Variants in ARHGAP15 observed in about 807,000 individuals in gnomAD.
ARHGAP15 encodes Rho GTPase activating protein 15.
In ARHGAP15, 51 loss-of-function variants were observed where a neutral mutation model predicts 63.7. The observed-to-expected ratio is 0.80, with a 90% CI of 0.64 to 1.01. The LOEUF is 1.01. Ranked by LOEUF, ARHGAP15 falls within the 50% of genes least tolerant of loss-of-function variation. The probability of loss-of-function intolerance (pLI) is 0.00; values close to 1 mark genes in which losing one functional copy is unlikely to be tolerated. For missense variants in ARHGAP15, 560 were observed against 564.6 expected (o/e 0.99, Z 0.08); for synonymous variants, 191 against 193.8 (o/e 0.99, Z 0.12).
intron 6 of ARHGAP15, among the ~76,000 whole-genome samples, chr2:143,256,231 A>G (rs1393022457): frequency 6.6e-6 from 1 of 152,150 alleles, no homozygotes; most frequent in African/African-American, 2.4e-5. Context: ...TAACCACATC[A>G]TCTCACAATG....
chr2:143,452,542 C>G (rs190602709), intron 8 of ARHGAP15, among the ~76,000 whole-genome samples: 294 of 152,030 alleles, frequency 1.9e-3, no homozygotes, highest in African/African-American at 6.7e-3. Context: ...CACCAGCTGC[C>G]TGTGGATGTG....
intron 6 of ARHGAP15, among the ~76,000 whole-genome samples, chr2:143,377,215 G>A (rs1043471599): frequency 1.3e-5 from 2 of 151,798 alleles, no homozygotes; most frequent in African/African-American, 4.8e-5. Flanking sequence ...CTTACCAAAT[G>A]AAGTTATATA....
chr2:143,592,989 A>T (rs1024227387), intron 11 of ARHGAP15, among the ~76,000 whole-genome samples: 1 of 152,226 alleles, frequency 6.6e-6, no homozygotes, highest in South Asian at 2.1e-4. Context: ...CTTTTGTTCT[A>T]CTGCTGCTTG....
intron 6 of ARHGAP15, among the ~76,000 whole-genome samples, chr2:143,356,213 G>A (rs1009118993): frequency 1.3e-5 from 2 of 152,140 alleles, no homozygotes; most frequent in African/African-American, 2.4e-5. Flanking sequence ...GTGCCGACAT[G>A]CCATTCAGTC....
intron 6 of ARHGAP15, among the ~76,000 whole-genome samples, chr2:143,277,929 A>T (rs947829472): frequency 3.3e-5 from 5 of 152,200 alleles, no homozygotes; most frequent in African/African-American, 9.6e-5. Flanking sequence ...TCATTATCTG[A>T]ATATTTTTAC....
chr2:143,568,935 T>C (rs1696342398), intron 11 of ARHGAP15, among the ~76,000 whole-genome samples: 1 of 152,140 alleles, frequency 6.6e-6, no homozygotes, highest in South Asian at 2.1e-4. Flanking sequence ...ACACCACATG[T>C]TCTCACTCAT....
chr2:143,737,867 C>T (rs1685811642), intron 13 of ARHGAP15, among the ~76,000 whole-genome samples: 1 of 152,128 alleles, frequency 6.6e-6, no homozygotes, highest in African/African-American at 2.4e-5. Flanking sequence ...AGTGATTCTC[C>T]TGCCTCAGCC....
chr2:143,669,130 A>T (rs115363739), intron 12 of ARHGAP15, among the ~76,000 whole-genome samples: 98 of 152,334 alleles, frequency 6.4e-4, no homozygotes, highest in Non-Finnish European at 8.5e-4. Flanking sequence ...GCACACTAAA[A>T]GTATCCACTT....
At chr2:143,565,649 G>T (rs1207728101) in intron 11 of ARHGAP15, among the ~76,000 whole-genome samples, 2 of 152,124 alleles carry the variant, frequency 1.3e-5, no homozygotes, top group Non-Finnish European at 2.9e-5. Context: ...AATAGTGAAG[G>T]ATCCCATATC....
chr2:143,701,663 G>C (rs190875883), intron 12 of ARHGAP15, among the ~76,000 whole-genome samples: 1 of 152,142 alleles, frequency 6.6e-6, no homozygotes, highest in Non-Finnish European at 1.5e-5. Context: ...CCCAGGAGTT[G>C]AGACTGCAGT....
At chr2:143,336,757 A>G (rs1294263691) in intron 6 of ARHGAP15, among the ~76,000 whole-genome samples, 1 of 152,318 alleles carries the variant, frequency 6.6e-6, no homozygotes, top group African/African-American at 2.4e-5. Flanking sequence ...GAAGTCATAT[A>G]TTTAGTCAGA....
At chr2:143,201,492 A>T (rs1692115879) in intron 2 of ARHGAP15, among the ~76,000 whole-genome samples, 1 of 151,986 alleles carries the variant, frequency 6.6e-6, no homozygotes, top group African/African-American at 2.4e-5. Context: ...AGCATTTATC[A>T]TTTCTTATTT....
At chr2:143,713,668 C>T (rs1213853209) in intron 13 of ARHGAP15, among the ~76,000 whole-genome samples, 1 of 151,228 alleles carries the variant, frequency 6.6e-6, no homozygotes, top group Non-Finnish European at 1.5e-5. Flanking sequence ...AAAGAGGGTA[C>T]AGGTATTGAG....
intron 2 of ARHGAP15, among the ~76,000 whole-genome samples, chr2:143,187,153 T>C (rs1327113291): frequency 2.6e-5 from 4 of 152,204 alleles, no homozygotes; most frequent in Non-Finnish European, 4.4e-5. Context: ...CATGAATTTT[T>C]TTTTCTGATA....
intron 12 of ARHGAP15, among the ~76,000 whole-genome samples, chr2:143,681,209 G>A (rs1683085753): frequency 6.6e-6 from 1 of 152,208 alleles, no homozygotes; most frequent in South Asian, 2.1e-4. Flanking sequence ...ATCAGTGACA[G>A]CTGAGTGTCT....
intron 6 of ARHGAP15, among the ~76,000 whole-genome samples, chr2:143,360,187 T>C (rs1685981400): frequency 6.6e-6 from 1 of 150,578 alleles, no homozygotes; most frequent in Admixed American, 6.6e-5. Context: ...GGAACCAGCC[T>C]GATCAAAATA....
intron 13 of ARHGAP15, among the ~76,000 whole-genome samples, chr2:143,752,302 A>G (rs192277637): frequency 3.3e-5 from 5 of 152,356 alleles, no homozygotes; most frequent in African/African-American, 1.2e-4. Flanking sequence ...ACTTTTCTGT[A>G]GAATATCAAC....
chr2:143,734,107 G>T (rs955436660), intron 13 of ARHGAP15, among the ~76,000 whole-genome samples: 3 of 152,174 alleles, frequency 2.0e-5, no homozygotes, highest in African/African-American at 4.8e-5. Flanking sequence ...TCCCTACCTT[G>T]GTTTAGATGT....
At chr2:143,555,429 G>T (rs557906790) in intron 10 of ARHGAP15, among the ~76,000 whole-genome samples, 1 of 152,154 alleles carries the variant, frequency 6.6e-6, no homozygotes, top group South Asian at 2.1e-4. Flanking sequence ...CTAGTCCTGA[G>T]TGCCCAGACA....
Sources: gnomAD v4.1 joint callset for allele counts (sites outside exome capture counted in the v4.1 genomes callset) on GRCh38, gnomAD v4.1.1 for gene constraint, MANE v1.5 for transcripts, NCBI Gene and HGNC (gene_info 2026-07-23, HGNC 2026-07-21) for gene names.